SBF2: variants seen among roughly 807,000 people sequenced by gnomAD.
The protein encoded by SBF2 is SET binding factor 2, also known as myotubularin-related protein 13.
SBF2 carries 112 observed loss-of-function variants against 225.2 expected under a neutral mutation model. The observed-to-expected ratio is 0.50, with a 90% CI of 0.43 to 0.58. SBF2 has a LOEUF of 0.58. Among genes scored for constraint, SBF2 ranks in the 20% least tolerant of loss-of-function variants. SBF2 has a pLI of 0.00. For synonymous variants in SBF2, 763 were observed against 773.3 expected (o/e 0.99, Z 0.22); for missense variants, 1,996 against 2,206.2 (o/e 0.90, Z 1.91).
At chr11:9,898,587 C>T (rs1373363528) in intron 16 of SBF2, among the ~76,000 whole-genome samples, 1 of 152,042 alleles carries the variant, frequency 6.6e-6, no homozygotes, top group East Asian at 1.9e-4. Context: ...AGGAGAATCG[C>T]TTGAACCTGG....
rs2135561588 is a variant in SBF2 at position 10,281,721 on chromosome 11, A to T, written c.55+12294T>A. ...AACTCTATATACTCTAATGACTCTC[A>T]AGTCTTTGTACCCAGTCCCTACCTG... On this transcript the variant is annotated intron_variant, in intron 1 of 39. Transcript: ENST00000256190. Among the ~76,000 whole-genome samples, 4 of 152,134 alleles carry T rather than the reference A, an allele frequency of 2.6e-5. No individual in the cohort carries two copies. The South Asian group carries it at 8.3e-4, about 32-fold the overall frequency.
intron 2 of SBF2, among the ~76,000 whole-genome samples, chr11:10,142,989 C>T (rs1954715837): frequency 1.3e-5 from 2 of 152,204 alleles, no homozygotes; most frequent in African/African-American, 4.8e-5. Flanking sequence ...AACCCCTGAA[C>T]TTATAAGGGT....
At chr11:9,974,655 C>CA (rs756406933) in intron 13 of SBF2, among the ~76,000 whole-genome samples, 304 of 98,314 alleles carry the variant, frequency 3.1e-3, no homozygotes, top group African/African-American at 4.3e-3. Context: ...CAACACCGCC[C>CA]AAAAAAAAAA....
rs1853951858 is a variant in SBF2 at position 9,808,037 on chromosome 11, G to A, written c.4406C>T (p.Ala1469Val). 5 of 1,614,150 alleles carry A rather than the reference G, an allele frequency of 3.1e-6. No homozygotes were observed. Among genetic ancestry groups the A allele is most frequent in the East Asian group, 4.5e-5 (2 of 44,882 alleles). The change falls in exon 32 of 40, where the codon GCT becomes GTT. Residue 1469 changes from alanine to valine, a missense_variant. Transcript: ENST00000256190. ...LTLNCQGSGF[A>V]PVFLQFLDCV... ...GTCTAAGAACTGTAAGAAGACTGGA[G>A]CAAAACCACTCCCCTGACAGTTGAG...
chr11:10,174,222 G>A (rs1956352457), intron 2 of SBF2, among the ~76,000 whole-genome samples: 1 of 152,180 alleles, frequency 6.6e-6, no homozygotes, highest in African/African-American at 2.4e-5. Context: ...TGAGCTACGG[G>A]AGGAAATTCA....
rs754258712 is a variant in SBF2 at position 10,181,978 on chromosome 11, A to G, written c.141+11924T>C. On this transcript the variant is annotated intron_variant, in intron 2 of 39. Coordinates refer to ENST00000256190, the MANE Select transcript of SBF2 (RefSeq NM_030962.4). ...CATTGGTGACTTTTTATAGACACAT[A>G]AGTACCACTAGAGGCCACCAAATAC... 4.7e-4 allele frequency among the ~76,000 whole-genome samples: 71 copies of G among 152,202 alleles called. 1 individual carries two copies. Among genetic ancestry groups the G allele is most frequent in the Non-Finnish European group, 1.0e-4 (7 of 68,012 alleles).
intron 33 of SBF2, among the ~76,000 whole-genome samples, chr11:9,794,384 ACCAGGCCTGG>A (rs1039987477): frequency 4.6e-5 from 7 of 152,030 alleles, no homozygotes; most frequent in Non-Finnish European, 8.8e-5. Flanking sequence ...TCCACTTAAG[ACCAGGCCTGG>A]CCAGGCGTGG....
intron 29 of SBF2, among the ~76,000 whole-genome samples, chr11:9,813,528 A>G (rs890167012): frequency 1.3e-5 from 2 of 152,088 alleles, no homozygotes; most frequent in African/African-American, 4.8e-5. Context: ...GGCTTTCACC[A>G]TGTTGCCCAG....
At chr11:9,907,825 G>T (rs143084674) in intron 16 of SBF2, among the ~76,000 whole-genome samples, 3 of 152,206 alleles carry the variant, frequency 2.0e-5, no homozygotes, top group African/African-American at 7.2e-5. Context: ...TGAATTTACA[G>T]ATATTATTTC....
At chr11:10,279,337 C>T (rs1319167482) in intron 1 of SBF2, among the ~76,000 whole-genome samples, 4 of 148,208 alleles carry the variant, frequency 2.7e-5, no homozygotes, top group African/African-American at 1.0e-4. Context: ...TGCTTGAACC[C>T]GGGAGACGGA....
rs768715777 is a variant in SBF2 at position 9,808,045 on chromosome 11, A to T, written c.4398T>A (p.Ser1466Arg). 5 of 1,613,888 alleles carry T rather than the reference A, an allele frequency of 3.1e-6. No individual in the cohort carries two copies. The highest frequency in any genetic ancestry group is 1.6e-4 in the Middle Eastern group (1 of 6,062). The change falls in exon 32 of 40, where the codon AGT (serine) becomes AGA (arginine). Residue 1466 changes from serine to arginine, a missense_variant. Transcript: ENST00000256190. ...ACTGTAAGAAGACTGGAGCAAAACCACTCCCCTGACAGTTGAGGGTCAAGC... is the reference window on the plus strand; with the variant it reads ...ACTGTAAGAAGACTGGAGCAAAACCTCTCCCCTGACAGTTGAGGGTCAAGC... ...RSSLTLNCQGSGFAPVFLQFL... is the reference protein window; with the variant it reads ...RSSLTLNCQGRGFAPVFLQFL...
chr11:10,283,460 T>C (rs180929100), intron 1 of SBF2, among the ~76,000 whole-genome samples: 1 of 152,184 alleles, frequency 6.6e-6, no homozygotes, highest in African/African-American at 2.4e-5. Context: ...TCATAGTGCT[T>C]AAATAAAACT....
chr11:10,073,475 G>A (rs1051095488), intron 2 of SBF2, among the ~76,000 whole-genome samples: 2 of 152,156 alleles, frequency 1.3e-5, no homozygotes, highest in Admixed American at 6.5e-5. Flanking sequence ...CACTTTGGAA[G>A]GGCCAGGCGG....
chr11:10,099,420 G>T (rs1436664598), intron 2 of SBF2, among the ~76,000 whole-genome samples: 1 of 152,178 alleles, frequency 6.6e-6, no homozygotes, highest in Admixed American at 6.5e-5. Flanking sequence ...AGCTAAGGGA[G>T]TTCAAAAACA....
intron 1 of SBF2, among the ~76,000 whole-genome samples, chr11:10,202,249 A>T (rs1431883209): frequency 1.3e-5 from 2 of 152,196 alleles, no homozygotes; most frequent in African/African-American, 4.8e-5. Context: ...TTCTCCAAAT[A>T]TGCATTGAAT....
intron 33 of SBF2, among the ~76,000 whole-genome samples, chr11:9,793,281 T>C (rs1852876295): frequency 6.6e-6 from 1 of 152,154 alleles, no homozygotes; most frequent in African/African-American, 2.4e-5. Flanking sequence ...TGAAGTAATT[T>C]ACCCAAAGTT....
intron 32 of SBF2, among the ~76,000 whole-genome samples, chr11:9,796,383 T>C (rs1384223750): frequency 1.3e-5 from 2 of 151,722 alleles, no homozygotes; most frequent in Non-Finnish European, 2.9e-5. Context: ...AATTGATAGA[T>C]ATATATTAAC....
Position 10,172,613 on chromosome 11 carries a change from G to A in SBF2, c.141+21289C>T, listed in dbSNP as rs189894237. 5.6e-4 allele frequency among the ~76,000 whole-genome samples: 85 copies of A among 152,076 alleles called. 1 individual carries two copies. The highest frequency in any genetic ancestry group is 3.4e-3 in the Middle Eastern group (1 of 294). ...GGTGATCCACCGGCCTCGGCCTCCC[G>A]AAGTGCTGGGATTACAGGTGTGAGC... On this transcript the variant is annotated intron_variant, in intron 2 of 39. Coordinates refer to ENST00000256190, the MANE Select transcript of SBF2 (RefSeq NM_030962.4).
intron 2 of SBF2, among the ~76,000 whole-genome samples, chr11:10,114,216 CATAAT>C (rs1023463586): frequency 2.0e-5 from 3 of 152,134 alleles, no homozygotes; most frequent in Admixed American, 6.5e-5. Context: ...TGAGATATAA[CATAAT>C]AAGTGCTCAA....
Sources: gnomAD v4.1 joint callset for allele counts (sites outside exome capture counted in the v4.1 genomes callset) on GRCh38, gnomAD v4.1.1 for gene constraint, MANE v1.5 for transcripts, NCBI Gene and HGNC (gene_info 2026-07-23, HGNC 2026-07-21) for gene names.